Variants in KCNJ16 observed in about 807,000 individuals in gnomAD.
KCNJ16 encodes inward rectifier potassium channel 16.
In KCNJ16, 15 loss-of-function variants were observed where a neutral mutation model predicts 18.5. The observed-to-expected ratio is 0.81, with a 90% confidence interval of 0.54 to 1.25. The LOEUF is 1.25. Among genes scored for constraint, KCNJ16 ranks in the 50% most tolerant of loss-of-function variants. The probability of loss-of-function intolerance (pLI) is 0.00; values close to 1 mark genes in which losing one functional copy is unlikely to be tolerated. For missense variants in KCNJ16, 523 were observed against 525.7 expected, an observed-to-expected ratio of 0.99 and a Z score of 0.05; for synonymous variants, 174 against 186.5, an observed-to-expected ratio of 0.93 and a Z score of 0.55.
At chr17:70,084,531 C>A (rs8077604) in intron 1 of KCNJ16, among the ~76,000 whole-genome samples, 9 of 152,290 alleles carry the variant, frequency 5.9e-5, no homozygotes, top group African/African-American at 1.9e-4. Context: ...TTACCTCTAT[C>A]TTTAAAAGCA....
intron 2 of KCNJ16, among the ~76,000 whole-genome samples, chr17:70,117,299 T>C (rs1351712681): frequency 6.6e-6 from 1 of 152,008 alleles, no homozygotes; most frequent in Non-Finnish European, 1.5e-5. Context: ...CGAGGACTAC[T>C]AGAAGGGAGA....
chr17:70,105,129 G>A (rs1280229130), intron 2 of KCNJ16: 1 of 152,196 alleles, frequency 6.6e-6, no homozygotes, highest in Non-Finnish European at 1.5e-5. Flanking sequence ...ATTGCTTGTC[G>A]GCTCTTTTAA....
chr17:70,108,314 A>C (rs557153694), intron 2 of KCNJ16: 3 of 151,962 alleles, frequency 2.0e-5, no homozygotes, highest in Admixed American at 6.6e-5. Context: ...TCCACATTCC[A>C]CCCTGGGCCT....
intron 1 of KCNJ16, among the ~76,000 whole-genome samples, chr17:70,094,705 C>T (rs8069195): frequency 0.85 from 129,085 of 152,112 alleles, 54,842 homozygotes; most frequent in East Asian, 0.96. Flanking sequence ...ATTTATTATA[C>T]CACTGTCCCC....
chr17:70,094,053 T>G (rs79328898), intron 1 of KCNJ16, among the ~76,000 whole-genome samples: 2,192 of 152,256 alleles, frequency 0.014, 48 homozygotes, highest in African/African-American at 0.049. Flanking sequence ...TCCTATAAAC[T>G]TGGTTTAAAT....
At chr17:70,130,310 C>G (rs1029579594) in intron 2 of KCNJ16, among the ~76,000 whole-genome samples, 15 of 152,150 alleles carry the variant, frequency 9.9e-5, no homozygotes, top group African/African-American at 3.1e-4. Context: ...ATTGGACCTT[C>G]CAGTAAGCAT....
chr17:70,098,509 T>C (rs982712496), intron 1 of KCNJ16, among the ~76,000 whole-genome samples: 18 of 152,068 alleles, frequency 1.2e-4, no homozygotes, highest in African/African-American at 4.3e-4. Flanking sequence ...AGACAGCAGT[T>C]GAAATCTTCT....
At chr17:70,118,641 T>C (rs2073509933) in intron 2 of KCNJ16, among the ~76,000 whole-genome samples, 1 of 151,904 alleles carries the variant, frequency 6.6e-6, no homozygotes, top group Non-Finnish European at 1.5e-5. Flanking sequence ...CCACCATTTT[T>C]AAATGACTAG....
At chr17:70,088,039 A>AT (rs1281754116) in intron 1 of KCNJ16, among the ~76,000 whole-genome samples, 3 of 150,488 alleles carry the variant, frequency 2.0e-5, no homozygotes, top group African/African-American at 7.3e-5. Flanking sequence ...AAAAAAAAAA[A>AT]AAGTAAAAGA....
intron 2 of KCNJ16, among the ~76,000 whole-genome samples, chr17:70,129,145 A>G (rs1017626264): frequency 3.3e-5 from 5 of 152,226 alleles, no homozygotes; most frequent in South Asian, 2.1e-4. Flanking sequence ...AAGTCTTTCA[A>G]TAGCCACCAT....
At chr17:70,086,591 G>A (rs1407713449) in intron 1 of KCNJ16, among the ~76,000 whole-genome samples, 1 of 152,234 alleles carries the variant, frequency 6.6e-6, no homozygotes, top group Admixed American at 6.5e-5. Flanking sequence ...TGAAGAAATA[G>A]GATGTTTACT....
At position 70,089,981 on chromosome 17, in the gene KCNJ16, C is replaced by T. The variant is rs963033834; in HGVS notation, c.-299-10677C>T. Among the ~76,000 whole-genome samples the T allele has an allele frequency of 3.3e-5, 5 of 152,220 alleles. No individual in the cohort carries two copies. In the South Asian group the frequency reaches 8.3e-4, roughly 25 times the overall value. On this transcript the variant is annotated intron_variant, in intron 1 of 3. Transcript: ENST00000392671. ...TCGACAGGGAAACTGGTGTAGTCCACTTCCATCCAGCCTCAACTGTCTCAC... is the reference window on the plus strand; with the variant it reads ...TCGACAGGGAAACTGGTGTAGTCCATTTCCATCCAGCCTCAACTGTCTCAC...
At chr17:70,107,255 G>A (rs2072973599) in intron 2 of KCNJ16, among the ~76,000 whole-genome samples, 1 of 152,168 alleles carries the variant, frequency 6.6e-6, no homozygotes, top group South Asian at 2.1e-4. Context: ...TCTAAGTGAT[G>A]AAAGTAAAGG....
intron 1 of KCNJ16, among the ~76,000 whole-genome samples, chr17:70,097,242 G>C (rs2072419883): frequency 2.6e-5 from 4 of 152,230 alleles, no homozygotes; most frequent in Admixed American, 2.6e-4. Context: ...CACAACCCAT[G>C]CGCCCCCGTC....
At chr17:70,092,905 C>T (rs188213844) in intron 1 of KCNJ16, among the ~76,000 whole-genome samples, 32 of 152,244 alleles carry the variant, frequency 2.1e-4, no homozygotes, top group Non-Finnish European at 1.2e-4. Context: ...TTGCATGATG[C>T]CCCCCACATT....
intron 1 of KCNJ16, among the ~76,000 whole-genome samples, chr17:70,100,091 C>G (rs889845894): frequency 6.6e-6 from 1 of 152,100 alleles, no homozygotes; most frequent in African/African-American, 2.4e-5. Flanking sequence ...GTTAGAATAA[C>G]AGGAAGCCCT....
rs762875600 is a variant in KCNJ16, at chr17:70,099,246, T to A, written c.-299-1412T>A. Among the ~76,000 whole-genome samples, 82 of 152,268 alleles carry A rather than the reference T, an allele frequency of 5.4e-4. 1 individual carries two copies. The highest frequency in any genetic ancestry group is 4.6e-4 in the Non-Finnish European group (31 of 68,014). On this transcript the variant is annotated intron_variant, in intron 1 of 3. Coordinates refer to ENST00000392671, the MANE Select transcript of KCNJ16 (RefSeq NM_170741.4). ...ACAGATTCAACAATCACTATAGATA[T>A]CAAGGAAAATAATATAATGGAGATT...
At chr17:70,093,995 G>A (rs2143747668) in intron 1 of KCNJ16, among the ~76,000 whole-genome samples, 1 of 152,190 alleles carries the variant, frequency 6.6e-6, no homozygotes, top group South Asian at 2.1e-4. Context: ...AATAATTAAT[G>A]ATGGATTAGG....
At chr17:70,119,421 G>C (rs1048570103) in intron 2 of KCNJ16, among the ~76,000 whole-genome samples, 1 of 152,208 alleles carries the variant, frequency 6.6e-6, no homozygotes, top group Non-Finnish European at 1.5e-5. Flanking sequence ...TTCCCTAGTA[G>C]AGGTTCTCTG....
Sources: gnomAD v4.1 joint callset for allele counts (sites outside exome capture counted in the v4.1 genomes callset) on GRCh38, gnomAD v4.1.1 for gene constraint, MANE v1.5 for transcripts, NCBI Gene and HGNC (gene_info 2026-07-23, HGNC 2026-07-21) for gene names.